E2F7: variants seen among roughly 807,000 people sequenced by gnomAD.
E2F7 encodes transcription factor E2F7.
In E2F7, 35 loss-of-function variants were observed where a neutral mutation model predicts 81.1. The ratio of observed to expected loss-of-function variants is 0.43; its 90% CI spans 0.33 to 0.57. The LOEUF is 0.57. E2F7 is among the 20% of genes least tolerant of loss of function. E2F7 has a pLI of 0.04. For synonymous variants in E2F7, 416 were observed against 416.2 expected (o/e 1.00, Z 0.01); for missense variants, 961 against 1,093.7 (o/e 0.88, Z 1.71).
At position 77,030,454 on chromosome 12, in the gene E2F7, C is replaced by T. The variant is rs368143957; in HGVS notation, c.1383-122G>A. On this transcript the variant is annotated intron_variant, in intron 9 of 12. Coordinates refer to ENST00000322886, the MANE Select transcript of E2F7 (RefSeq NM_203394.3). ...AATACTCCTCAGGCAGATACGAAAG[C>T]GCACTTGCTGAGCACGTGTTAGCTC... 2.1e-4 allele frequency: 270 copies of T among 1,264,256 alleles called. No individual in the cohort carries two copies. In the East Asian group the frequency reaches 3.7e-3, roughly 17 times the overall value. 78.3% of individuals were successfully genotyped at this position (1,264,256 alleles called of 1,614,324 possible). A position where few individuals can be genotyped will look rare whatever the true frequency, so the allele number is the denominator to read the frequency against.
At chr12:77,061,582 C>T (rs1023561237) in intron 2 of E2F7, among the ~76,000 whole-genome samples, 5 of 152,138 alleles carry the variant, frequency 3.3e-5, no homozygotes, top group South Asian at 2.1e-4. Context: ...ATAGTAACTT[C>T]GGGTAATGAA....
chr12:77,036,422 G>A (rs1272692613), intron 7 of E2F7, among the ~76,000 whole-genome samples: 3 of 152,136 alleles, frequency 2.0e-5, no homozygotes, highest in Non-Finnish European at 4.4e-5. Context: ...CACTTTGGGA[G>A]GCTGAGGTGG....
chr12:77,044,089 A>C (rs1222533586), intron 6 of E2F7, among the ~76,000 whole-genome samples: 1 of 152,148 alleles, frequency 6.6e-6, no homozygotes, highest in Admixed American at 6.5e-5. Context: ...GTTGCAGCTC[A>C]TGGTTTCCCA....
At chr12:77,034,269 C>CAT (rs1954831045) in intron 7 of E2F7, among the ~76,000 whole-genome samples, 1 of 151,734 alleles carries the variant, frequency 6.6e-6, no homozygotes, top group Non-Finnish European at 1.5e-5. Flanking sequence ...AGATTGAATC[C>CAT]ATATATATTC....
intron 9 of E2F7, among the ~76,000 whole-genome samples, chr12:77,030,806 C>G (rs772409366): frequency 1.3e-4 from 20 of 152,156 alleles, no homozygotes; most frequent in Non-Finnish European, 2.6e-4. Context: ...AAGTGAGAAG[C>G]TGGGCCCCAT....
chr12:77,047,109 CT>C (rs1434992077), intron 4 of E2F7, among the ~76,000 whole-genome samples: 3 of 152,146 alleles, frequency 2.0e-5, no homozygotes, highest in African/African-American at 7.2e-5. Flanking sequence ...CCGCAGCTCA[CT>C]ACTCACTTTC....
chr12:77,024,817 C>T (rs962589945), intron 12 of E2F7, among the ~76,000 whole-genome samples: 3 of 152,134 alleles, frequency 2.0e-5, no homozygotes, highest in Admixed American at 1.3e-4. Context: ...TTCAATGTCT[C>T]GCAAACTTTT....
intron 1 of E2F7, among the ~76,000 whole-genome samples, 179 bp from the exon 2 acceptor site, chr12:77,064,814 C>T (rs998202484): frequency 4.6e-5 from 7 of 152,092 alleles, no homozygotes; most frequent in African/African-American, 1.7e-4. Flanking sequence ...CGCGAACAAA[C>T]TCAAACACCT....
rs749219547 is a variant in E2F7, at chr12:77,050,637, T to G, written c.477A>C (p.Pro159=). The G allele has an allele frequency of 6.2e-7, 1 of 1,614,086 alleles. No individual in the cohort carries two copies. ...LLCQKFLARY[P]SYPLSTEKTT... ...TTTTCTCAGTTGACAAGGGATAACT[T>G]GGATAGCGAGCTAGAAACTTCTGGC... Residue 159 remains proline (P), a synonymous_variant, in exon 4 of 13, where the codon CCA becomes CCC. Transcript: ENST00000322886.
intron 11 of E2F7, among the ~76,000 whole-genome samples, chr12:77,027,356 T>G (rs1383980601): frequency 1.3e-5 from 2 of 152,230 alleles, no homozygotes; most frequent in African/African-American, 4.8e-5. Flanking sequence ...ATTATCTTAT[T>G]AAATTTAATT....
At position 77,030,320 on chromosome 12, in the gene E2F7, A is replaced by G. The variant is rs1416734995; in HGVS notation, c.1395T>C (p.Phe465=). Reference sequence around the variant, plus strand: ...ATGGAGGCACCACTCTCTTACTGGCAAAGGCTTTTCCCCTATAATAAAAAA... The same window carrying G: ...ATGGAGGCACCACTCTCTTACTGGCGAAGGCTTTTCCCCTATAATAAAAAA... The part of the protein sequence containing the change: ...KIEDNSQGKA[F]ASKRVVPPSS... Residue 465 remains phenylalanine (F), a synonymous_variant, in exon 10 of 13, where the codon TTT becomes TTC. Coordinates refer to ENST00000322886, the MANE Select transcript of E2F7 (RefSeq NM_203394.3). The G allele has an allele frequency of 6.5e-7, 1 of 1,545,836 alleles. No individual in the cohort carries two copies. The highest frequency in any genetic ancestry group is 1.4e-5 in the African/African-American group (1 of 72,564).
chr12:77,026,909 C>T (rs554939919), intron 11 of E2F7, among the ~76,000 whole-genome samples: 212 of 152,206 alleles, frequency 1.4e-3, no homozygotes, highest in African/African-American at 4.9e-3. Context: ...TCTATGCATC[C>T]GTAACATTCT....
intron 10 of E2F7, among the ~76,000 whole-genome samples, chr12:77,029,446 C>G (rs1954785831): frequency 6.6e-6 from 1 of 152,194 alleles, no homozygotes; most frequent in Admixed American, 6.5e-5. Flanking sequence ...ACCCACATTC[C>G]TCCCTCTGGA....
intron 4 of E2F7, 125 bp downstream of exon 4, chr12:77,050,451 C>G (rs1445370373): frequency 1.1e-6 from 1 of 931,516 alleles, no homozygotes; most frequent in Admixed American, 2.5e-5. Flanking sequence ...AAAGGAAGCT[C>G]TGCCTGTTCC....
At chr12:77,052,376 CAGG>C (rs748233055) in intron 3 of E2F7, among the ~76,000 whole-genome samples, 18 of 152,192 alleles carry the variant, frequency 1.2e-4, no homozygotes, top group Admixed American at 2.6e-4. Context: ...GACAATGGAA[CAGG>C]AGGAGTTCAG....
chr12:77,030,337 A>C lies in E2F7; in HGVS notation c.1383-5T>G. On this transcript the variant is annotated splice_polypyrimidine_tract_variant and splice_region_variant and intron_variant, in intron 9 of 12. Coordinates refer to ENST00000322886, the MANE Select transcript of E2F7 (RefSeq NM_203394.3). Reference sequence around the variant, plus strand: ...TTACTGGCAAAGGCTTTTCCCCTATAATAAAAAAGAAACGTAACGAAGTTA... The same window carrying C: ...TTACTGGCAAAGGCTTTTCCCCTATCATAAAAAAGAAACGTAACGAAGTTA... The C allele has an allele frequency of 6.6e-7, 1 of 1,523,366 alleles. No individual in the cohort carries two copies. Among genetic ancestry groups the C allele is most frequent in the Non-Finnish European group, 8.8e-7 (1 of 1,136,810 alleles). The allele number at this position is 1,523,366 out of a possible 1,614,324, so 94.4% of individuals were successfully genotyped here. A position where few individuals can be genotyped will look rare whatever the true frequency, so the allele number is the denominator to read the frequency against.
intron 10 of E2F7, among the ~76,000 whole-genome samples, chr12:77,029,141 G>A (rs535236382): frequency 6.6e-6 from 1 of 152,204 alleles, no homozygotes; most frequent in East Asian, 1.9e-4. Context: ...GCAACCCCAG[G>A]CTATCTACAA....
intron 3 of E2F7, among the ~76,000 whole-genome samples, chr12:77,051,909 A>G (rs909807187): frequency 6.6e-5 from 10 of 152,228 alleles, no homozygotes; most frequent in African/African-American, 2.4e-4. Flanking sequence ...CATACAAAAA[A>G]ACTCAAAAGA....
chr12:77,064,076 C>G (rs1020989661), intron 2 of E2F7, among the ~76,000 whole-genome samples: 2 of 152,184 alleles, frequency 1.3e-5, no homozygotes, highest in East Asian at 1.9e-4. Context: ...CACTTTATCT[C>G]CCTATATAGT....
Sources: allele counts gnomAD v4.1 joint callset (sites outside exome capture counted in the v4.1 genomes callset), GRCh38; gene constraint gnomAD v4.1.1; transcripts MANE v1.5; gene names NCBI Gene and HGNC (gene_info 2026-07-23, HGNC 2026-07-21).